Variants in IQCM observed in about 807,000 individuals in gnomAD.
IQCM encodes IQ motif containing M.
IQCM carries 45 observed loss-of-function variants against 57.6 expected under a neutral mutation model. The observed-to-expected ratio is 0.78, with a 90% CI of 0.62 to 1.00. The LOEUF is 1.00. Among genes scored for constraint, IQCM ranks in the 50% least tolerant of loss-of-function variants. The pLI is 0.00. For synonymous variants in IQCM, 148 were observed against 158.9 expected (o/e 0.93, Z 0.51); for missense variants, 468 against 511.6 (o/e 0.91, Z 0.82).
rs1043571629 is a variant in IQCM, at chr4:149,497,623, G to A, written c.1228+50832C>T. Among the ~76,000 whole-genome samples the A allele has an allele frequency of 4.0e-5, 6 of 151,766 alleles. No homozygotes were observed. In the South Asian group the frequency reaches 1.2e-3, roughly 32 times the overall value. ...CCATGATTCAGTTACCTCCCACTGG[G>A]TCCCTCCCACAACACATGGGAATTC... On this transcript the variant is annotated intron_variant, in intron 12 of 13. Transcript: ENST00000636793.
chr4:149,670,182 A>T (rs1761128587), intron 7 of IQCM, among the ~76,000 whole-genome samples: 1 of 152,028 alleles, frequency 6.6e-6, no homozygotes, highest in African/African-American at 2.4e-5. Flanking sequence ...CTCCTTGAGG[A>T]GGTCCTTCAC....
chr4:149,776,724 G>T (rs1249916927), intron 2 of IQCM, among the ~76,000 whole-genome samples: 5 of 152,070 alleles, frequency 3.3e-5, no homozygotes, highest in African/African-American at 1.2e-4. Flanking sequence ...AAAGAGGGAT[G>T]TCCTCCTCAT....
At position 149,650,330 on chromosome 4, in the gene IQCM, A is replaced by G. The variant is rs559864730; in HGVS notation, c.566-29086T>C. 4.6e-5 allele frequency among the ~76,000 whole-genome samples: 7 copies of G among 152,106 alleles called. No homozygotes were observed. In the South Asian group the frequency reaches 1.4e-3, roughly 32 times the overall value. Reference sequence around the variant, plus strand: ...CGGGCTACCAGAAGCTAAAAAACACAAGGAAGATTGCTTCCCTAGAAGCTT... The same window carrying G: ...CGGGCTACCAGAAGCTAAAAAACACGAGGAAGATTGCTTCCCTAGAAGCTT... On this transcript the variant is annotated intron_variant, in intron 7 of 13. Coordinates refer to ENST00000636793, the MANE Select transcript of IQCM (RefSeq NM_001363507.2).
chr4:149,410,283 C>G (rs1733285925), intron 13 of IQCM, among the ~76,000 whole-genome samples: 1 of 152,022 alleles, frequency 6.6e-6, no homozygotes. Context: ...TCCTTCAAAC[C>G]ACAATTTTAA....
At chr4:149,795,191 A>C (rs982530354) in intron 2 of IQCM, among the ~76,000 whole-genome samples, 1 of 152,200 alleles carries the variant, frequency 6.6e-6, no homozygotes, top group African/African-American at 2.4e-5. Flanking sequence ...AAAAGTGATC[A>C]TGTTTAAACA....
At chr4:149,388,465 A>G (rs1731580582) in intron 13 of IQCM, among the ~76,000 whole-genome samples, 1 of 147,092 alleles carries the variant, frequency 6.8e-6, no homozygotes, top group Non-Finnish European at 1.5e-5. Flanking sequence ...GTGTCTTTTC[A>G]TATGCTTATT....
At chr4:149,576,268 C>T (rs1166769305) in intron 9 of IQCM, among the ~76,000 whole-genome samples, 2 of 151,574 alleles carry the variant, frequency 1.3e-5, no homozygotes, top group Non-Finnish European at 2.9e-5. Flanking sequence ...AAGCACAGTA[C>T]CCAAAAAGTA....
At chr4:149,543,055 T>C (rs1279593489) in intron 12 of IQCM, among the ~76,000 whole-genome samples, 1 of 147,274 alleles carries the variant, frequency 6.8e-6, no homozygotes, top group Non-Finnish European at 1.5e-5. Flanking sequence ...TATGAAACTG[T>C]TAATTTGAAA....
intron 13 of IQCM, among the ~76,000 whole-genome samples, chr4:149,376,440 T>C (rs1730705001): frequency 6.6e-6 from 1 of 152,172 alleles, no homozygotes; most frequent in Non-Finnish European, 1.5e-5. Context: ...TACAAGATGC[T>C]ATTGCCAAAA....
Position 149,410,012 on chromosome 4 carries a change from C to T in IQCM, c.1390+23384G>A, listed in dbSNP as rs191004999. Among the ~76,000 whole-genome samples the T allele has an allele frequency of 4.7e-4, 71 of 152,194 alleles. 3 individuals carry two copies. The highest frequency in any genetic ancestry group is 4.1e-3 in the Admixed American group (63 of 15,282). On this transcript the variant is annotated intron_variant, in intron 13 of 13. Coordinates refer to ENST00000636793, the MANE Select transcript of IQCM (RefSeq NM_001363507.2). The stretch of plus-strand genomic sequence containing the variant: ...CAGTCTAGCCAGGATGGTGAAACCC[C>T]GTCTCTACTGAAAATACAAAAATTA...
intron 12 of IQCM, among the ~76,000 whole-genome samples, chr4:149,444,411 C>T (rs1178285379): frequency 1.3e-5 from 2 of 151,788 alleles, no homozygotes; most frequent in Admixed American, 6.6e-5. Flanking sequence ...ATATAGTAAA[C>T]AGTAAATCCC....
intron 8 of IQCM, among the ~76,000 whole-genome samples, chr4:149,590,312 G>A (rs1435154362): frequency 3.4e-5 from 5 of 145,444 alleles, no homozygotes; most frequent in African/African-American, 1.3e-4. Context: ...GTTATAAGGG[G>A]TCTGGTGTTT....
chr4:149,469,130 A>G (rs1230490888), intron 12 of IQCM, among the ~76,000 whole-genome samples: 1 of 152,228 alleles, frequency 6.6e-6, no homozygotes, highest in Non-Finnish European at 1.5e-5. Flanking sequence ...AATGACTTCA[A>G]CGAGTTGAGA....
chr4:149,437,487 T>A (rs765302065), intron 12 of IQCM, among the ~76,000 whole-genome samples: 1 of 152,024 alleles, frequency 6.6e-6, no homozygotes, highest in East Asian at 1.9e-4. Context: ...CCACCTCTAG[T>A]TTTCCCCTCT....
At chr4:149,565,285 AT>A (rs1396986952) in intron 9 of IQCM, among the ~76,000 whole-genome samples, 1 of 152,018 alleles carries the variant, frequency 6.6e-6, no homozygotes, top group East Asian at 1.9e-4. Flanking sequence ...GTTTTATTTA[AT>A]TTTTATGTTA....
intron 12 of IQCM, among the ~76,000 whole-genome samples, chr4:149,547,068 T>C (rs1171623322): frequency 1.3e-5 from 2 of 152,248 alleles, no homozygotes; most frequent in Admixed American, 6.5e-5. Context: ...CACCATTTAT[T>C]AAATAGGGAA....
Position 149,563,776 on chromosome 4 carries a change from T to G in IQCM, c.864A>C (p.Pro288=), listed in dbSNP as rs1579505492. 3.2e-6 allele frequency: 4 copies of G among 1,232,076 alleles called. No individual in the cohort carries two copies. Among genetic ancestry groups the G allele is most frequent in the Non-Finnish European group, 3.0e-6 (3 of 987,918 alleles). 76.3% of individuals were successfully genotyped at this position (1,232,076 alleles called of 1,614,324 possible). A position where few individuals can be genotyped will look rare whatever the true frequency, so the allele number is the denominator to read the frequency against. The part of the protein sequence containing the change: ...FRERKKFMIT[P]KLIRMVTVMQ... The stretch of plus-strand genomic sequence containing the variant: ...TGACGGTGACCATTCTAATCAATTT[T>G]GGGGTAATCATGAATTTTTTTCTTT... The change falls in exon 10 of 14, where the codon CCA becomes CCC. Residue 288 remains proline (P), a synonymous_variant. Transcript: ENST00000636793.
chr4:149,593,162 A>T (rs1316479922), intron 8 of IQCM, among the ~76,000 whole-genome samples: 2 of 151,972 alleles, frequency 1.3e-5, no homozygotes, highest in Non-Finnish European at 2.9e-5. Flanking sequence ...CTCCTTGAAG[A>T]GGTCCTTCAT....
chr4:149,362,666 T>C (rs1729574695), intron 13 of IQCM, among the ~76,000 whole-genome samples: 1 of 152,164 alleles, frequency 6.6e-6, no homozygotes, highest in Non-Finnish European at 1.5e-5. Context: ...ATTAAATCTC[T>C]TTTTCTTCCC....
Sources: gnomAD v4.1 joint callset for allele counts (sites outside exome capture counted in the v4.1 genomes callset) on GRCh38, gnomAD v4.1.1 for gene constraint, MANE v1.5 for transcripts, NCBI Gene and HGNC (gene_info 2026-07-23, HGNC 2026-07-21) for gene names.